Variants in CTSW observed in about 807,000 individuals in gnomAD.
The protein encoded by CTSW is lymphopain.
Under a neutral mutation model 43.8 loss-of-function variants are expected in CTSW, and 42 were observed. That is an observed-to-expected ratio of 0.96 (90% CI 0.75 to 1.24). The LOEUF is 1.24. Among genes scored for constraint, CTSW ranks in the 50% most tolerant of loss-of-function variants. The probability of loss-of-function intolerance (pLI) is 0.00; values close to 1 mark genes in which losing one functional copy is unlikely to be tolerated. For missense variants in CTSW, 475 were observed against 479.9 expected (o/e 0.99, Z 0.09); for synonymous variants, 191 against 184.8 (o/e 1.03, Z -0.27).
At position 65,882,161 on chromosome 11, in the gene CTSW, T is replaced by C. The variant is rs1860114455; in HGVS notation, c.287-14T>C. The C allele has an allele frequency of 6.2e-7, 1 of 1,613,700 alleles. No homozygotes were observed. The highest frequency in any genetic ancestry group is 8.5e-7 in the Non-Finnish European group (1 of 1,179,724). On this transcript the variant is annotated splice_polypyrimidine_tract_variant and intron_variant, in intron 3 of 9. Transcript: ENST00000307886. ...GTCAAAATGGAGACCTCAGTGGCCCTGTCTGTTCCCCAGAGGAGGAGTTTG... is the reference window on the plus strand; with the variant it reads ...GTCAAAATGGAGACCTCAGTGGCCCCGTCTGTTCCCCAGAGGAGGAGTTTG...
intron 5 of CTSW, 39 bp from the exon 6 acceptor site, chr11:65,882,570 T>A (rs756696488): frequency 5.0e-6 from 8 of 1,614,042 alleles, no homozygotes; most frequent in Non-Finnish European, 6.8e-6. Context: ...GAGGGAGGCC[T>A]AGGGGCCTGG....
chr11:65,882,105 T>C, intron 3 of CTSW, 70 bp from the exon 4 acceptor site: 5 of 1,564,914 alleles, frequency 3.2e-6, no homozygotes, highest in South Asian at 1.2e-5. Flanking sequence ...GACCAACAGC[T>C]GGAGTGGGAG....
rs753093602 is a variant in CTSW, at chr11:65,880,236, C to A, written c.122C>A (p.Ala41Asp). Reference protein sequence around the residue: ...LGPQPLELKEAFKLFQIQFNR... With the variant: ...LGPQPLELKEDFKLFQIQFNR... ...CCCCAGCCGCTAGAGCTGAAAGAGG[C>A]CTTCAAGTTGTTCCAGATCCAGTTC... Residue 41 changes from alanine to aspartate, a missense_variant, in exon 2 of 10, where the codon GCC becomes GAC. Ala to Asp is a moderately radical substitution (Grantham distance 126). Coordinates refer to ENST00000307886, the MANE Select transcript of CTSW (RefSeq NM_001335.4). 8.1e-6 allele frequency: 13 copies of A among 1,614,058 alleles called. No individual in the cohort carries two copies. Among genetic ancestry groups the A allele is most frequent in the African/African-American group, 5.3e-5 (4 of 74,932 alleles).
Position 65,883,288 on chromosome 11 carries a change from T to C in CTSW, c.884T>C (p.Leu295Pro), listed in dbSNP as rs773163294. The C allele has an allele frequency of 3.7e-6, 6 of 1,613,936 alleles. No homozygotes were observed. Among genetic ancestry groups the C allele is most frequent in the Non-Finnish European group, 5.1e-6 (6 of 1,180,002 alleles). The change falls in exon 9 of 10, where the codon CTG becomes CCG. Residue 295 changes from leucine to proline, a missense_variant. Transcript: ENST00000307886. ...DPQLVDHSVL[L>P]VGFGSVKSEE... ...CAGCTTGTGGACCACTCTGTCCTGC[T>C]GGTGGGTTTTGGCAGCGTCAAGTCA...
chr11:65,883,407 G>A lies in CTSW; in HGVS notation c.1003G>A (p.Ala335Thr), dbSNP rs1431553263. 1 of 1,614,064 alleles carries A rather than the reference G, an allele frequency of 6.2e-7. No individual in the cohort carries two copies. Among genetic ancestry groups the A allele is most frequent in the South Asian group, 1.1e-5 (1 of 91,080 alleles). The change falls in exon 9 of 10, where the codon GCC (alanine) becomes ACC (threonine). Residue 335 changes from alanine (A) to threonine (T), a missense_variant. Coordinates refer to ENST00000307886, the MANE Select transcript of CTSW (RefSeq NM_001335.4). ...CTGGATCCTGAAGAACTCCTGGGGGGCCCAATGGGGAGAGAAGGTGAGTGT... is the reference window on the plus strand; with the variant it reads ...CTGGATCCTGAAGAACTCCTGGGGGACCCAATGGGGAGAGAAGGTGAGTGT... Reference protein sequence around the residue: ...PYWILKNSWGAQWGEKGYFRL... With the variant: ...PYWILKNSWGTQWGEKGYFRL...
In CTSW at chr11:65,883,205, C is replaced by T; in HGVS notation, c.811-10C>T. ...CCCACACTCAGCCCCTCGGCCCCCA[C>T]CCCCTGCAGCTATACCGGAAAGGTG... On this transcript the variant is annotated splice_polypyrimidine_tract_variant and intron_variant, in intron 8 of 9. Transcript: ENST00000307886. 1 of 1,613,614 alleles carries T rather than the reference C, an allele frequency of 6.2e-7. No individual in the cohort carries two copies. Among genetic ancestry groups the T allele is most frequent in the East Asian group, 2.2e-5 (1 of 44,882 alleles).
chr11:65,882,222 G>T lies in CTSW; in HGVS notation c.334G>T (p.Val112Phe). The T allele has an allele frequency of 6.2e-7, 1 of 1,614,196 alleles. No individual in the cohort carries two copies. Among genetic ancestry groups the T allele is most frequent in the Non-Finnish European group, 8.5e-7 (1 of 1,180,032 alleles). ...TGGCTATCGGAGGGCAGCTGGAGGG[G>T]TCCCCAGCATGGGCAGAGAAATAAG... ...LYGYRRAAGG[V>F]PSMGREIRSE... The change falls in exon 4 of 10, where the codon GTC (valine) becomes TTC (phenylalanine). Residue 112 changes from valine to phenylalanine, a missense_variant. Coordinates refer to ENST00000307886, the MANE Select transcript of CTSW (RefSeq NM_001335.4).
At chr11:65,882,086 G>C (rs1860113386) in intron 3 of CTSW, 89 bp from the exon 4 acceptor site, 1 of 1,513,680 alleles carries the variant, frequency 6.6e-7, no homozygotes. Context: ...GCCCCTCAGG[G>C]AATTATGGGA....
intron 2 of CTSW, among the ~76,000 whole-genome samples, chr11:65,880,813 G>A (rs1565277773): frequency 6.6e-6 from 1 of 152,160 alleles, no homozygotes; most frequent in Non-Finnish European, 1.5e-5. Context: ...CTAGTCCTAC[G>A]TGATCCCCTG....
At position 65,881,664 on chromosome 11, in the gene CTSW, G is replaced by T; in HGVS notation, c.286+144G>T. On this transcript the variant is annotated intron_variant, in intron 3 of 9. Coordinates refer to ENST00000307886, the MANE Select transcript of CTSW (RefSeq NM_001335.4). ...CTGAGGACCAGGGGCTTGGGTGCTG[G>T]TATCAAATCACCCAGTGCAGGGGCA... is the stretch of plus-strand genomic sequence containing the variant. 8.2e-6 allele frequency: 5 copies of T among 608,468 alleles called. No individual in the cohort carries two copies. The South Asian group carries it at 9.9e-5, about 12-fold the overall frequency. The allele number at this position is 608,468 out of a possible 1,614,324, so 37.7% of individuals were successfully genotyped here. A position where few individuals can be genotyped will look rare whatever the true frequency, so the allele number is the denominator to read the frequency against.
chr11:65,882,313 C>T lies in CTSW; in HGVS notation c.425C>T (p.Ser142Leu). Residue 142 changes from serine to leucine, a missense_variant, in exon 4 of 10, where the codon TCA becomes TTA. Physicochemically the swap from Ser to Leu is moderately radical, Grantham distance 145. Transcript: ENST00000307886. ...CDWRKVASAI[S>L]PIKDQKNCNC... Reference sequence around the variant, plus strand: ...TGGCGGAAGGTGGCCAGCGCCATCTCACCCATCAAGGACCAGGTATCTGCC... The same window carrying T: ...TGGCGGAAGGTGGCCAGCGCCATCTTACCCATCAAGGACCAGGTATCTGCC... The T allele has an allele frequency of 6.2e-7, 1 of 1,614,136 alleles. No individual in the cohort carries two copies. Among genetic ancestry groups the T allele is most frequent in the Non-Finnish European group, 8.5e-7 (1 of 1,180,004 alleles).
Position 65,879,881 on chromosome 11 carries a change from C to T in CTSW, c.27C>T (p.Cys9=). 2 of 1,601,882 alleles carry T rather than the reference C, an allele frequency of 1.2e-6. No homozygotes were observed. Among genetic ancestry groups the T allele is most frequent in the Non-Finnish European group, 1.7e-6 (2 of 1,169,960 alleles). MALTAHPS[C]LLALLVAGLA... ...TGGCACTGACTGCCCACCCCTCCTG[C>T]CTCCTGGCCCTGTTGGTGGCAGGCC... Residue 9 remains cysteine, a synonymous_variant, in exon 1 of 10, where the codon TGC becomes TGT. Transcript: ENST00000307886.
At chr11:65,882,112 G>A in intron 3 of CTSW, 63 bp from the exon 4 acceptor site, 1 of 1,579,614 alleles carries the variant, frequency 6.3e-7, no homozygotes, top group Non-Finnish European at 8.6e-7. Flanking sequence ...AGCTGGAGTG[G>A]GAGAGGCAGA....
rs145203884 is a variant in CTSW at position 65,881,419 on chromosome 11, G to T, written c.185G>T (p.Arg62Leu). 2 of 1,601,486 alleles carry T rather than the reference G, an allele frequency of 1.2e-6. No homozygotes were observed. Among genetic ancestry groups the T allele is most frequent in the South Asian group, 2.2e-5 (2 of 89,242 alleles). The change falls in exon 3 of 10, where the codon CGC (arginine) becomes CTC (leucine). Residue 62 changes from arginine (R) to leucine (L), a missense_variant. Physicochemically the swap from Arg to Leu is moderately radical, Grantham distance 102. Transcript: ENST00000307886. ...CCTTTTGGTCCAGAGCATGCTCACCGCCTGGACATCTTTGCCCACAACCTG... is the reference window on the plus strand; with the variant it reads ...CCTTTTGGTCCAGAGCATGCTCACCTCCTGGACATCTTTGCCCACAACCTG... ...SYLSPEEHAH[R>L]LDIFAHNLAQ... is the part of the protein sequence containing the mutation.
At chr11:65,881,827 G>A (rs909456375) in intron 3 of CTSW, among the ~76,000 whole-genome samples, 5 of 152,140 alleles carry the variant, frequency 3.3e-5, no homozygotes, top group Non-Finnish European at 7.4e-5. Flanking sequence ...TGTTGTCCAG[G>A]CTGCAGTACA....
chr11:65,882,145 G>T, intron 3 of CTSW, 30 bp from the exon 4 acceptor site: 1 of 1,609,992 alleles, frequency 6.2e-7, no homozygotes, highest in South Asian at 1.1e-5. Flanking sequence ...GGTCAAAATG[G>T]AGACCTCAGT....
Position 65,882,184 on chromosome 11 carries a change from T to A in CTSW, c.296T>A (p.Phe99Tyr), listed in dbSNP as rs768232198. 5 of 1,614,082 alleles carry A rather than the reference T, an allele frequency of 3.1e-6. No homozygotes were observed. The Admixed American group carries it at 8.3e-5, about 27-fold the overall frequency. ...CCTGTCTGTTCCCCAGAGGAGGAGT[T>A]TGGCCAGCTCTATGGCTATCGGAGG... is the stretch of plus-strand genomic sequence containing the variant. The part of the protein sequence containing the change: ...TPFSDLTEEE[F>Y]GQLYGYRRAA... The change falls in exon 4 of 10, where the codon TTT becomes TAT. Residue 99 changes from phenylalanine to tyrosine, a missense_variant. By Grantham distance (22) the Phe-to-Tyr change is conservative (BLOSUM62 3). Coordinates refer to ENST00000307886, the MANE Select transcript of CTSW (RefSeq NM_001335.4).
Position 65,882,473 on chromosome 11 carries a change from T to C in CTSW, c.485T>C (p.Ile162Thr). The C allele has an allele frequency of 1.2e-6, 2 of 1,614,020 alleles. No individual in the cohort carries two copies. The highest frequency in any genetic ancestry group is 1.1e-5 in the South Asian group (1 of 91,074). ...TGGGCCATGGCAGCGGCAGGCAACA[T>C]AGAGACCCTGTGGCGCATCAGTTTC... The part of the protein sequence containing the change: ...CCWAMAAAGN[I>T]ETLWRISFWD... Residue 162 changes from isoleucine (I) to threonine (T), a missense_variant, in exon 5 of 10, where the codon ATA becomes ACA. Coordinates refer to ENST00000307886, the MANE Select transcript of CTSW (RefSeq NM_001335.4).
chr11:65,882,042 T>C lies in CTSW; in HGVS notation c.287-133T>C, dbSNP rs1860112843. 1.9e-5 allele frequency: 20 copies of C among 1,063,008 alleles called. No homozygotes were observed. The South Asian group carries it at 2.8e-4, about 15-fold the overall frequency. The allele number at this position is 1,063,008 out of a possible 1,614,324, so 65.8% of individuals were successfully genotyped here. ...TCCCAAAGTGCTGGGATTATAGGTG[T>C]GAGCCACCACGCCCGGCCTATCCTT... is the stretch of plus-strand genomic sequence containing the variant. On this transcript the variant is annotated intron_variant, in intron 3 of 9. Coordinates refer to ENST00000307886, the MANE Select transcript of CTSW (RefSeq NM_001335.4).
Sources: gnomAD v4.1 joint callset for allele counts (sites outside exome capture counted in the v4.1 genomes callset) on GRCh38, gnomAD v4.1.1 for gene constraint, MANE v1.5 for transcripts, NCBI Gene and HGNC (gene_info 2026-07-23, HGNC 2026-07-21) for gene names.